FRAS1: variants seen among roughly 807,000 people sequenced by gnomAD.
FRAS1 encodes the protein Fraser extracellular matrix complex subunit 1, also known as extracellular matrix organizing protein FRAS1.
FRAS1 carries 290 observed loss-of-function variants against 435.2 expected under a neutral mutation model. That is an observed-to-expected ratio of 0.67 (90% CI 0.61 to 0.73). The LOEUF (loss-of-function observed/expected upper bound fraction) is 0.73, where lower values mean the gene tolerates loss of function less well. Among genes scored for constraint, FRAS1 ranks in the 30% least tolerant of loss-of-function variants. The pLI, the probability that FRAS1 is intolerant of heterozygous loss-of-function variation, is 0.00. For missense variants in FRAS1, 4,860 were observed against 5,001.5 expected (o/e 0.97, Z 0.85); for synonymous variants, 1,800 against 1,851.0 (o/e 0.97, Z 0.71).
intron 65 of FRAS1, 58 bp from the exon 66 acceptor site, chr4:78,515,741 C>T (rs992164504): frequency 1.3e-6 from 2 of 1,532,468 alleles, no homozygotes; most frequent in Non-Finnish European, 1.8e-6. Flanking sequence ...TTCACCCCAC[C>T]CTGCTCCTTG....
At chr4:78,502,124 T>C (rs1349639330) in intron 61 of FRAS1, among the ~76,000 whole-genome samples, 2 of 152,184 alleles carry the variant, frequency 1.3e-5, no homozygotes, top group Admixed American at 6.5e-5. Flanking sequence ...ACTGTAGCCA[T>C]GTAGTATAGT....
chr4:78,250,054 GA>G (rs1180828015), intron 4 of FRAS1, among the ~76,000 whole-genome samples: 2 of 151,730 alleles, frequency 1.3e-5, no homozygotes, highest in African/African-American at 4.8e-5. Flanking sequence ...ATAATTTAAA[GA>G]CTATAGTCTT....
chr4:78,383,014 C>T (rs534294329), intron 27 of FRAS1, among the ~76,000 whole-genome samples: 5 of 152,134 alleles, frequency 3.3e-5, no homozygotes, highest in Admixed American at 3.3e-4. Context: ...AAACAATGGT[C>T]CCTCTAGTAG....
Position 78,456,745 on chromosome 4 carries a change from T to C in FRAS1, c.6763+4391T>C, listed in dbSNP as rs1433950649. ...TAGAGATAGGGATGCTATTAACAAA[T>C]GTCCAGCAATGAATGGGATAAGCCC... On this transcript the variant is annotated intron_variant, in intron 47 of 73. Coordinates refer to ENST00000512123, the MANE Select transcript of FRAS1 (RefSeq NM_025074.7). Among the ~76,000 whole-genome samples the C allele has an allele frequency of 2.6e-5, 4 of 152,194 alleles. No homozygotes were observed. In the East Asian group the frequency reaches 5.8e-4, roughly 22 times the overall value.
intron 71 of FRAS1, among the ~76,000 whole-genome samples, chr4:78,535,941 A>G (rs1301544407): frequency 6.6e-6 from 1 of 152,092 alleles, no homozygotes; most frequent in Non-Finnish European, 1.5e-5. Context: ...CACATAGTAA[A>G]TGTTTGGGAT....
chr4:78,256,825 A>G (rs1054331372), intron 6 of FRAS1, among the ~76,000 whole-genome samples: 2 of 152,172 alleles, frequency 1.3e-5, no homozygotes, highest in Admixed American at 1.3e-4. Context: ...TTGCCATTAC[A>G]TACATAAAAA....
intron 2 of FRAS1, among the ~76,000 whole-genome samples, chr4:78,200,957 A>G (rs1306272951): frequency 2.8e-5 from 4 of 144,284 alleles, no homozygotes; most frequent in Admixed American, 2.0e-4. Context: ...TGGAAGGCCA[A>G]AGTGAAAATC....
intron 35 of FRAS1, among the ~76,000 whole-genome samples, chr4:78,427,552 T>A (rs186940297): frequency 1.3e-5 from 2 of 152,234 alleles, no homozygotes; most frequent in Non-Finnish European, 2.9e-5. Context: ...CTAAAACTTA[T>A]GAAAAAGTTT....
chr4:78,427,293 C>T (rs1734036175), intron 35 of FRAS1, among the ~76,000 whole-genome samples: 1 of 152,098 alleles, frequency 6.6e-6, no homozygotes, highest in African/African-American at 2.4e-5. Context: ...ACAGAGTCCC[C>T]AACACCAGGA....
chr4:78,420,999 G>A (rs750815594), intron 33 of FRAS1, among the ~76,000 whole-genome samples: 3 of 149,688 alleles, frequency 2.0e-5, no homozygotes, highest in Non-Finnish European at 4.4e-5. Context: ...AAGCTGAGGA[G>A]CAAGGACAGG....
chr4:78,420,918 A>T lies in FRAS1; in HGVS notation c.4541-945A>T, dbSNP rs917891900. ...TATATATATATATATATATATATATATATTTATATAAAGGGGAGTTTATTA... is the reference window on the plus strand; with the variant it reads ...TATATATATATATATATATATATATTTATTTATATAAAGGGGAGTTTATTA... On this transcript the variant is annotated intron_variant, in intron 33 of 73. Coordinates refer to ENST00000512123, the MANE Select transcript of FRAS1 (RefSeq NM_025074.7). Among the ~76,000 whole-genome samples the T allele has an allele frequency of 1.3e-4, 15 of 118,902 alleles. No individual in the cohort carries two copies. In the South Asian group the frequency reaches 3.1e-3, roughly 24 times the overall value. The allele number at this position is 118,902 out of a possible 152,430, so 78.0% of individuals were successfully genotyped here.
chr4:78,091,260 C>A (rs1287499774), intron 2 of FRAS1, among the ~76,000 whole-genome samples: 1 of 151,670 alleles, frequency 6.6e-6, no homozygotes, highest in Admixed American at 6.6e-5. Context: ...TTTGGTATTT[C>A]TTCTGCCACT....
chr4:78,259,780 C>T (rs1725985175), intron 6 of FRAS1, among the ~76,000 whole-genome samples: 1 of 149,330 alleles, frequency 6.7e-6, no homozygotes, highest in Admixed American at 6.8e-5. Flanking sequence ...GAAGTCCTTG[C>T]CCATGCCTCT....
chr4:78,154,299 G>A (rs2110015452), intron 2 of FRAS1, among the ~76,000 whole-genome samples: 1 of 152,204 alleles, frequency 6.6e-6, no homozygotes, highest in Admixed American at 6.5e-5. Flanking sequence ...GGAACTAATG[G>A]TGCACACTTT....
intron 2 of FRAS1, among the ~76,000 whole-genome samples, chr4:78,100,801 G>A (rs888066848): frequency 6.6e-6 from 1 of 152,084 alleles, no homozygotes; most frequent in Non-Finnish European, 1.5e-5. Flanking sequence ...TTTGAGGTAT[G>A]GATATTATTA....
At chr4:78,085,740 A>G (rs2109884699) in intron 2 of FRAS1, among the ~76,000 whole-genome samples, 1 of 152,318 alleles carries the variant, frequency 6.6e-6, no homozygotes, top group African/African-American at 2.4e-5. Flanking sequence ...CTAAATATAT[A>G]TGCACCCAAT....
intron 49 of FRAS1, among the ~76,000 whole-genome samples, chr4:78,465,284 T>C (rs892858731): frequency 2.0e-5 from 3 of 152,210 alleles, no homozygotes; most frequent in African/African-American, 7.2e-5. Context: ...ACAGATAAAT[T>C]TGCAGGCTTA....
intron 28 of FRAS1, among the ~76,000 whole-genome samples, chr4:78,386,127 C>T (rs930207124): frequency 1.3e-5 from 2 of 152,028 alleles, no homozygotes; most frequent in African/African-American, 4.8e-5. Flanking sequence ...GTGTGTTTTT[C>T]CACAATCAAG....
intron 2 of FRAS1, among the ~76,000 whole-genome samples, chr4:78,180,473 A>G (rs111285696): frequency 0.03 from 4,639 of 152,294 alleles, 159 homozygotes; most frequent in African/African-American, 0.081. Flanking sequence ...CCAGTTTGTA[A>G]TTGGGGGAAC....
Sources: gnomAD v4.1 joint callset for allele counts (sites outside exome capture counted in the v4.1 genomes callset) on GRCh38, gnomAD v4.1.1 for gene constraint, MANE v1.5 for transcripts, NCBI Gene and HGNC (gene_info 2026-07-23, HGNC 2026-07-21) for gene names.